The following ERICH6 variants were observed in gnomAD, a reference collection of about 807,000 sequenced individuals.
ERICH6 encodes the protein glutamate-rich protein 6.
In ERICH6, 71 loss-of-function variants were observed where a neutral mutation model predicts 71.0. That is an observed-to-expected ratio of 1.00 (90% CI 0.83 to 1.22). The LOEUF (loss-of-function observed/expected upper bound fraction) is 1.22. ERICH6 is among the 50% of genes most tolerant of loss of function. The pLI is 0.00. For synonymous variants in ERICH6, 262 were observed against 278.4 expected (o/e 0.94, Z 0.59); for missense variants, 808 against 797.2 (o/e 1.01, Z -0.16).
chr3:150,691,066 T>G (rs564135873), intron 3 of ERICH6, among the ~76,000 whole-genome samples: 70 of 152,324 alleles, frequency 4.6e-4, no homozygotes, highest in African/African-American at 1.6e-3. Context: ...AAGGACAGCT[T>G]GGAGGTTAAA....
At chr3:150,702,920 G>GAGAGAGGGAGAGAGGGAGAGAGAA (rs1712962690) in intron 1 of ERICH6, among the ~76,000 whole-genome samples, 1 of 118,462 alleles carries the variant, frequency 8.4e-6, no homozygotes. Flanking sequence ...GTGTGTCTGT[G>GAGAGAGGGAGAGAGGGAGAGAGAA]AGAGAGAGAG....
chr3:150,663,110 AC>A (rs1267250688), intron 13 of ERICH6, among the ~76,000 whole-genome samples: 5 of 152,324 alleles, frequency 3.3e-5, no homozygotes, highest in African/African-American at 1.2e-4. Flanking sequence ...GACCAGACTT[AC>A]GTTTTCAAAG....
chr3:150,685,862 A>C lies in ERICH6; in HGVS notation c.667-4T>G. The stretch of plus-strand genomic sequence containing the variant: ...GTGTTATGAAGTCTTCCTTAAACTA[A>C]ATTTAAAAAGAGAAAGGGGTGGTGA... On this transcript the variant is annotated splice_region_variant and splice_polypyrimidine_tract_variant and intron_variant, in intron 5 of 13. Coordinates refer to ENST00000295910, the MANE Select transcript of ERICH6 (RefSeq NM_152394.5). 6.2e-7 allele frequency: 1 copy of C among 1,613,160 alleles called. No individual in the cohort carries two copies. The highest frequency in any genetic ancestry group is 1.3e-5 in the African/African-American group (1 of 75,002).
chr3:150,670,963 ACT>A (rs1711499517), intron 11 of ERICH6, among the ~76,000 whole-genome samples: 1 of 152,112 alleles, frequency 6.6e-6, no homozygotes, highest in Admixed American at 6.5e-5. Context: ...AAGTTGGAAA[ACT>A]GTATATTTTT....
In ERICH6 at chr3:150,666,188, G is replaced by A. The variant is rs148614285; in HGVS notation, c.1728+599C>T. Among the ~76,000 whole-genome samples, 122 of 152,348 alleles carry A rather than the reference G, an allele frequency of 8.0e-4. 1 individual carries two copies. The highest frequency in any genetic ancestry group is 2.8e-3 in the African/African-American group (117 of 41,570). On this transcript the variant is annotated intron_variant, in intron 13 of 13. Coordinates refer to ENST00000295910, the MANE Select transcript of ERICH6 (RefSeq NM_152394.5). ...TGCATTATTGCCGGTCACTGAGAGT[G>A]TACTCAGGGCTGTGCCCTGGGAGAG... is the stretch of plus-strand genomic sequence containing the variant.
chr3:150,665,064 A>G (rs1266434635), intron 13 of ERICH6, among the ~76,000 whole-genome samples: 1 of 152,086 alleles, frequency 6.6e-6, no homozygotes, highest in Non-Finnish European at 1.5e-5. Context: ...TTTGTGTAAG[A>G]ATGTATTTAC....
chr3:150,674,045 T>C lies in ERICH6; in HGVS notation c.1258-4A>G. The C allele has an allele frequency of 6.2e-7, 1 of 1,612,298 alleles. No homozygotes were observed. Among genetic ancestry groups the C allele is most frequent in the Non-Finnish European group, 8.5e-7 (1 of 1,179,212 alleles). On this transcript the variant is annotated splice_region_variant and splice_polypyrimidine_tract_variant and intron_variant, in intron 10 of 13. Coordinates refer to ENST00000295910, the MANE Select transcript of ERICH6 (RefSeq NM_152394.5). ...CTAAGAGCTCATTCCTGACAACCTA[T>C]ACACCACAGAAAAGAAAAGACACTT... is the stretch of plus-strand genomic sequence containing the variant.
intron 13 of ERICH6, among the ~76,000 whole-genome samples, chr3:150,661,594 T>C (rs1727226305): frequency 6.6e-6 from 1 of 152,206 alleles, no homozygotes; most frequent in Non-Finnish European, 1.5e-5. Flanking sequence ...TAGTTAATAT[T>C]TTCCGAGGGA....
rs1576567797 is a variant in ERICH6 at position 150,703,626 on chromosome 3, G to A, written c.273C>T (p.Phe91=). The part of the protein sequence containing the change: ...VTDIGDYDDD[F]PDVRPRLASI... The stretch of plus-strand genomic sequence containing the variant: ...TGGCTAAGCGGGGGCGCACGTCTGG[G>A]AAGTCGTCGTCGTAGTCACCGATGT... The change falls in exon 1 of 14, where the codon TTC becomes TTT. Residue 91 remains phenylalanine, a synonymous_variant. Coordinates refer to ENST00000295910, the MANE Select transcript of ERICH6 (RefSeq NM_152394.5). 1.2e-6 allele frequency: 2 copies of A among 1,614,042 alleles called. No individual in the cohort carries two copies. The highest frequency in any genetic ancestry group is 4.5e-5 in the East Asian group (2 of 44,862).
At chr3:150,694,481 G>A (rs571786759) in intron 3 of ERICH6, among the ~76,000 whole-genome samples, 1 of 152,128 alleles carries the variant, frequency 6.6e-6, no homozygotes, top group South Asian at 2.1e-4. Context: ...CTCTATGTTC[G>A]TTTTATCTTA....
intron 8 of ERICH6, 78 bp from the exon 9 acceptor site, chr3:150,680,616 C>T: frequency 6.3e-7 from 1 of 1,581,614 alleles, no homozygotes; most frequent in Non-Finnish European, 8.7e-7. Flanking sequence ...AATTCAGCTG[C>T]TTAAATGCCA....
At chr3:150,686,444 A>G in intron 3 of ERICH6, 90 bp from the exon 4 acceptor site, 1 of 1,027,332 alleles carries the variant, frequency 9.7e-7, no homozygotes, top group Non-Finnish European at 1.5e-6. Context: ...AAAAATAACT[A>G]CCCTTACTAT....
At chr3:150,682,093 G>T in intron 7 of ERICH6, 125 bp downstream of exon 7, 1 of 798,196 alleles carries the variant, frequency 1.3e-6, no homozygotes, top group South Asian at 1.7e-5. Context: ...AGGATTACAG[G>T]TGTGAGCCAT....
At chr3:150,695,942 A>T (rs1712641586) in intron 3 of ERICH6, among the ~76,000 whole-genome samples, 1 of 152,154 alleles carries the variant, frequency 6.6e-6, no homozygotes, top group East Asian at 1.9e-4. Context: ...TGGAATTTTG[A>T]TTCTAAAATA....
chr3:150,703,563 G>A lies in ERICH6; in HGVS notation c.336C>T (p.Pro112=). 6.2e-7 allele frequency: 1 copy of A among 1,613,456 alleles called. No individual in the cohort carries two copies. Among genetic ancestry groups the A allele is most frequent in the Non-Finnish European group, 8.5e-7 (1 of 1,179,800 alleles). ...VSPSLTSTFV[P]SQSATSTETP... ...TTTCAGTGCTGGTCGCGCTCTGGCT[G>A]GGCACGAACGTAGAGGTCAGGCTAG... The change falls in exon 1 of 14, where the codon CCC becomes CCT. Residue 112 remains proline, a synonymous_variant. Transcript: ENST00000295910.
chr3:150,672,399 ACCAG>A (rs1382477054), intron 11 of ERICH6, among the ~76,000 whole-genome samples: 1 of 151,800 alleles, frequency 6.6e-6, no homozygotes, highest in Non-Finnish European at 1.5e-5. Context: ...AGAGTTCAAG[ACCAG>A]CCTTGGCAAC....
intron 10 of ERICH6, 30 bp from the exon 11 acceptor site, chr3:150,674,071 A>G: frequency 6.3e-7 from 1 of 1,589,752 alleles, no homozygotes; most frequent in South Asian, 1.1e-5. Flanking sequence ...AAAGACACTT[A>G]ATTGTTTCGG....
intron 11 of ERICH6, among the ~76,000 whole-genome samples, chr3:150,671,212 A>G (rs1184667789): frequency 6.6e-6 from 1 of 152,202 alleles, no homozygotes; most frequent in Non-Finnish European, 1.5e-5. Context: ...TATGCTTCCT[A>G]TTCTGTGAAA....
At chr3:150,700,312 A>C (rs1712824891) in intron 2 of ERICH6, among the ~76,000 whole-genome samples, 1 of 145,060 alleles carries the variant, frequency 6.9e-6, no homozygotes, top group South Asian at 2.1e-4. Flanking sequence ...ATGGTTTTAA[A>C]TCTCTTCTTT....
Sources: allele counts gnomAD v4.1 joint callset (sites outside exome capture counted in the v4.1 genomes callset), GRCh38; gene constraint gnomAD v4.1.1; transcripts MANE v1.5; gene names NCBI Gene and HGNC (gene_info 2026-07-23, HGNC 2026-07-21).